The following ADAM9 variants were observed in gnomAD, a reference collection of about 807,000 sequenced individuals.
ADAM9 encodes disintegrin and metalloproteinase domain-containing protein 9.
In ADAM9, 54 loss-of-function variants were observed where a neutral mutation model predicts 108.1. The observed-to-expected ratio is 0.50, with a 90% CI of 0.40 to 0.63. The LOEUF is 0.63. ADAM9 is among the 20% of genes least tolerant of loss of function. The pLI, the probability that ADAM9 is intolerant of heterozygous loss-of-function variation, is 0.00. For missense variants in ADAM9, 830 were observed against 997.7 expected (o/e 0.83, Z 2.26); for synonymous variants, 316 against 336.0 (o/e 0.94, Z 0.65).
At position 39,010,942 on chromosome 8, in the gene ADAM9, A is replaced by C. The variant is rs143210450; in HGVS notation, c.196-716A>C. On this transcript the variant is annotated intron_variant, in intron 2 of 21. Coordinates refer to ENST00000487273, the MANE Select transcript of ADAM9 (RefSeq NM_003816.3). ...ACCCCGTCTCTACTAAAAATGCAAA[A>C]ATTAGCCGGGTGTGTTGGTGGACGC... Among the ~76,000 whole-genome samples, 168 of 152,018 alleles carry C rather than the reference A, an allele frequency of 1.1e-3. 1 individual carries two copies. The highest frequency in any genetic ancestry group is 3.8e-3 in the African/African-American group (156 of 41,472).
chr8:39,072,402 A>G (rs1384086358), intron 15 of ADAM9, among the ~76,000 whole-genome samples: 1 of 152,234 alleles, frequency 6.6e-6, no homozygotes, highest in Non-Finnish European at 1.5e-5. Flanking sequence ...ACTCAATCTG[A>G]CAGTCGTTTT....
chr8:39,010,782 T>A (rs1408052987), intron 2 of ADAM9, among the ~76,000 whole-genome samples: 1 of 152,128 alleles, frequency 6.6e-6, no homozygotes, highest in Non-Finnish European at 1.5e-5. Context: ...ACACACCATA[T>A]TGTTTTATGT....
chr8:39,023,064 T>A, intron 8 of ADAM9, 92 bp from the exon 9 acceptor site: 1 of 1,191,196 alleles, frequency 8.4e-7, no homozygotes, highest in Non-Finnish European at 1.2e-6. Context: ...CAGGGGAGTT[T>A]TAATTTAAGT....
intron 2 of ADAM9, among the ~76,000 whole-genome samples, chr8:39,010,221 G>C (rs1836312468): frequency 6.6e-6 from 1 of 152,178 alleles, no homozygotes; most frequent in African/African-American, 2.4e-5. Context: ...CAGTTTCTCA[G>C]ATTTCTTTTT....
intron 18 of ADAM9, among the ~76,000 whole-genome samples, chr8:39,083,422 T>A (rs181597330): frequency 2.2e-4 from 33 of 152,354 alleles, no homozygotes; most frequent in African/African-American, 7.9e-4. Context: ...GCTATTAGAA[T>A]GAAGTCCACA....
intron 12 of ADAM9, among the ~76,000 whole-genome samples, chr8:39,053,013 T>C (rs1287715069): frequency 6.6e-6 from 1 of 152,224 alleles, no homozygotes; most frequent in Non-Finnish European, 1.5e-5. Context: ...TCAGTGTTTT[T>C]AATTTTAGCC....
chr8:39,054,562 A>G lies in ADAM9; in HGVS notation c.1384A>G (p.Lys462Glu). ...TGAGTGTGCATATGGTGACTGTTGT[A>G]AAGACTGTCGGGTAAGGAATTCCTC... ...FAECAYGDCC[K>E]DCRFLPGGTL... Residue 462 changes from lysine to glutamate, a missense_variant, in exon 13 of 22, where the codon AAA becomes GAA. Lys to Glu is a moderately conservative substitution (Grantham distance 56). Coordinates refer to ENST00000487273, the MANE Select transcript of ADAM9 (RefSeq NM_003816.3). The G allele has an allele frequency of 6.2e-7, 1 of 1,609,642 alleles. No individual in the cohort carries two copies. Among genetic ancestry groups the G allele is most frequent in the Non-Finnish European group, 8.5e-7 (1 of 1,177,134 alleles).
intron 3 of ADAM9, among the ~76,000 whole-genome samples, chr8:39,012,302 A>T (rs1232481229): frequency 6.6e-6 from 1 of 152,196 alleles, no homozygotes; most frequent in Non-Finnish European, 1.5e-5. Flanking sequence ...CAGGCTGTGT[A>T]CCTAACTAAA....
At chr8:39,061,702 G>A (rs1176328536) in intron 14 of ADAM9, among the ~76,000 whole-genome samples, 3 of 151,946 alleles carry the variant, frequency 2.0e-5, no homozygotes, top group Non-Finnish European at 4.4e-5. Flanking sequence ...ATCACATGAC[G>A]GAAGGTGGAT....
chr8:39,043,417 C>T (rs1437117551), intron 12 of ADAM9, among the ~76,000 whole-genome samples: 2 of 152,128 alleles, frequency 1.3e-5, no homozygotes, highest in East Asian at 3.9e-4. Context: ...CCAGTTTCTC[C>T]ACATTCTTGC....
chr8:39,022,194 T>A (rs759165211), intron 8 of ADAM9, among the ~76,000 whole-genome samples: 1 of 152,128 alleles, frequency 6.6e-6, no homozygotes, highest in Non-Finnish European at 1.5e-5. Flanking sequence ...TATGTTCTTA[T>A]AATTTTATCT....
intron 2 of ADAM9, among the ~76,000 whole-genome samples, chr8:39,011,041 C>T (rs922127175): frequency 2.0e-5 from 3 of 147,948 alleles, no homozygotes; most frequent in Non-Finnish European, 3.0e-5. Flanking sequence ...TGCAGTGAGC[C>T]GAGATTGTGC....
rs1301448101 is a variant in ADAM9, at chr8:39,055,629, C to T, written c.1448C>T (p.Pro483Leu). 3 of 1,613,580 alleles carry T rather than the reference C, an allele frequency of 1.9e-6. No homozygotes were observed. ...CRGKTSECDV[P>L]EYCNGSSQFC... ...GGAAAAACCAGTGAGTGTGATGTTC[C>T]AGAGTACTGCAATGGTTCTTCTCAG... The change falls in exon 14 of 22, where the codon CCA becomes CTA. Residue 483 changes from proline to leucine, a missense_variant. Physicochemically the swap from Pro to Leu is moderately conservative, Grantham distance 98. Transcript: ENST00000487273.
Position 39,105,144 on chromosome 8 carries a change from GC to G in ADAM9, c.*1445del. Reference sequence around the variant, plus strand: ...GACTTTTGCCAAAGTGTGCACAATGGCTTTTTGTTAATAAAGAACAGATTAG... The same window carrying G: ...GACTTTTGCCAAAGTGTGCACAATGGTTTTTGTTAATAAAGAACAGATTAG... On this transcript the variant is annotated 3_prime_UTR_variant, in exon 22 of 22. Coordinates refer to ENST00000487273, the MANE Select transcript of ADAM9 (RefSeq NM_003816.3). The G allele has an allele frequency of 2.4e-6, 1 of 422,694 alleles. No individual in the cohort carries two copies. Among genetic ancestry groups the G allele is most frequent in the Non-Finnish European group, 4.6e-6 (1 of 216,966 alleles). 26.2% of individuals were successfully genotyped at this position (422,694 alleles called of 1,614,324 possible). A position where few individuals can be genotyped will look rare whatever the true frequency, so the allele number is the denominator to read the frequency against.
chr8:39,078,128 AG>A (rs373062544), intron 16 of ADAM9, among the ~76,000 whole-genome samples: 122 of 152,268 alleles, frequency 8.0e-4, no homozygotes, highest in African/African-American at 2.6e-3. Flanking sequence ...TGGGCCTTCA[AG>A]TTACTTCACT....
intron 12 of ADAM9, among the ~76,000 whole-genome samples, chr8:39,046,519 G>T (rs1464649026): frequency 6.6e-6 from 1 of 152,114 alleles, no homozygotes; most frequent in Non-Finnish European, 1.5e-5. Context: ...GCGAGATTGG[G>T]CATCCTTGCT....
intron 12 of ADAM9, among the ~76,000 whole-genome samples, chr8:39,049,321 CAACTT>C (rs950572754): frequency 2.1e-4 from 32 of 152,080 alleles, no homozygotes; most frequent in Admixed American, 1.2e-3. Context: ...AAGCTGATAA[CAACTT>C]AACCTCAATT....
chr8:39,090,226 A>G (rs1839309850), intron 19 of ADAM9, 38 bp downstream of exon 19: 1 of 1,505,264 alleles, frequency 6.6e-7, no homozygotes, highest in Non-Finnish European at 9.1e-7. Flanking sequence ...TATATTAAAT[A>G]TATACATACA....
intron 12 of ADAM9, among the ~76,000 whole-genome samples, chr8:39,045,082 GCATA>G (rs1288979600): frequency 7.6e-5 from 1 of 13,216 alleles, no homozygotes; most frequent in Non-Finnish European, 1.4e-4. Flanking sequence ...ATGTGTGTGT[GCATA>G]CATACATATG....
Sources: allele counts gnomAD v4.1 joint callset (sites outside exome capture counted in the v4.1 genomes callset), GRCh38; gene constraint gnomAD v4.1.1; transcripts MANE v1.5; gene names NCBI Gene and HGNC (gene_info 2026-07-23, HGNC 2026-07-21).